BAIAP2: variants seen among roughly 807,000 people sequenced by gnomAD.
The protein encoded by BAIAP2 is BAR/IMD domain-containing adapter protein 2.
A neutral mutation model predicts 63.0 loss-of-function variants in BAIAP2; 18 were observed. The ratio of observed to expected loss-of-function variants is 0.29; its 90% CI spans 0.20 to 0.42. The LOEUF (loss-of-function observed/expected upper bound fraction) is 0.42. Ranked by LOEUF, BAIAP2 falls within the 10% of genes least tolerant of loss-of-function variation. The pLI is 1.00. For synonymous variants in BAIAP2, 386 were observed against 307.6 expected, an observed-to-expected ratio of 1.25 and a Z score of -2.67; for missense variants, 610 against 734.3, an observed-to-expected ratio of 0.83 and a Z score of 1.96.
chr17:81,046,113 C>T lies in BAIAP2; in HGVS notation c.55-7555C>T, dbSNP rs140625783. Among the ~76,000 whole-genome samples the T allele has an allele frequency of 1.2e-3, 183 of 152,232 alleles. 1 individual carries two copies. The highest frequency in any genetic ancestry group is 4.2e-3 in the African/African-American group (174 of 41,544). On this transcript the variant is annotated intron_variant, in intron 1 of 13. Transcript: ENST00000428708. The surrounding 1 kb of genome is among the most constrained non-coding windows in gnomAD (Gnocchi z 4.5). ...GGAGGCAGAGCTGCCGGCTCCTGCA[C>T]GCCCAGCTGCAGGGGGTAAGGAGGA... is the stretch of plus-strand genomic sequence containing the variant.
At position 81,035,182 on chromosome 17, in the gene BAIAP2, C is replaced by T. The variant is rs1256974462; in HGVS notation, c.-73C>T. On this transcript the variant is annotated 5_prime_UTR_variant, in exon 1 of 14. Coordinates refer to ENST00000428708, the MANE Select transcript of BAIAP2 (RefSeq NM_001144888.2). ...CGGGTCCGCTTTCGTCTCCGTCCTGCTGCCGTTACCGCCGCTGCTGCCGCC... is the reference window on the plus strand; with the variant it reads ...CGGGTCCGCTTTCGTCTCCGTCCTGTTGCCGTTACCGCCGCTGCTGCCGCC... The T allele has an allele frequency of 1.9e-5, 24 of 1,290,836 alleles. 1 individual carries two copies. The highest frequency in any genetic ancestry group is 1.7e-4 in the East Asian group (5 of 30,150). 80.0% of individuals were successfully genotyped at this position (1,290,836 alleles called of 1,614,324 possible).
intron 1 of BAIAP2, among the ~76,000 whole-genome samples, chr17:81,042,453 G>C (rs549728875): frequency 2.6e-4 from 40 of 152,116 alleles, no homozygotes; most frequent in Non-Finnish European, 1.8e-4. Flanking sequence ...AACGCACCCT[G>C]GTGCTTTCTT....
At chr17:81,108,323 G>T in intron 12 of BAIAP2, 152 bp from the exon 13 acceptor site, 1 of 777,982 alleles carries the variant, frequency 1.3e-6, no homozygotes. Flanking sequence ...AGGTCTCTGA[G>T]TGCTGCAGCC....
Position 81,035,187 on chromosome 17 carries a change from G to A in BAIAP2, c.-68G>A, listed in dbSNP as rs1366622348. 9 of 1,338,976 alleles carry A rather than the reference G, an allele frequency of 6.7e-6. No homozygotes were observed. In the East Asian group the frequency reaches 9.7e-5, roughly 14 times the overall value. 82.9% of individuals were successfully genotyped at this position (1,338,976 alleles called of 1,614,324 possible). On this transcript the variant is annotated 5_prime_UTR_variant, in exon 1 of 14. Coordinates refer to ENST00000428708, the MANE Select transcript of BAIAP2 (RefSeq NM_001144888.2). The stretch of plus-strand genomic sequence containing the variant: ...CCGCTTTCGTCTCCGTCCTGCTGCC[G>A]TTACCGCCGCTGCTGCCGCCGCTTG...
chr17:81,069,784 G>A (rs139511641), intron 3 of BAIAP2, among the ~76,000 whole-genome samples: 9 of 152,292 alleles, frequency 5.9e-5, no homozygotes, highest in East Asian at 1.9e-4. Flanking sequence ...AGCCTTCCTC[G>A]GTGGACACCT....
At chr17:81,076,005 CGGGT>C (rs1231346400) in intron 3 of BAIAP2, among the ~76,000 whole-genome samples, 1 of 151,892 alleles carries the variant, frequency 6.6e-6, no homozygotes, top group African/African-American at 2.4e-5. Context: ...TGCCTGCACC[CGGGT>C]GTTCCCTCTT....
At chr17:81,108,744 C>T in intron 13 of BAIAP2, 2 of 886,256 alleles carry the variant, frequency 2.3e-6, no homozygotes. Flanking sequence ...CCCATCCATC[C>T]CTGTCAGGCA....
At chr17:81,069,706 G>A (rs1055322511) in intron 3 of BAIAP2, among the ~76,000 whole-genome samples, 3 of 152,166 alleles carry the variant, frequency 2.0e-5, no homozygotes, top group Non-Finnish European at 2.9e-5. Context: ...ACTCTCCCCC[G>A]CCAGGACTGT....
At chr17:81,042,629 A>C (rs1247184459) in intron 1 of BAIAP2, among the ~76,000 whole-genome samples, 1 of 151,992 alleles carries the variant, frequency 6.6e-6, no homozygotes, top group East Asian at 1.9e-4. Flanking sequence ...TGGCTGCCCC[A>C]GTGGGAGTCG....
chr17:81,080,273 C>T (rs1598675248), intron 3 of BAIAP2, among the ~76,000 whole-genome samples: 1 of 152,226 alleles, frequency 6.6e-6, no homozygotes, highest in Non-Finnish European at 1.5e-5. Context: ...TGCTGGTGGC[C>T]GGACACATTC....
chr17:81,068,634 G>A (rs1396692916), intron 3 of BAIAP2, among the ~76,000 whole-genome samples: 1 of 152,216 alleles, frequency 6.6e-6, no homozygotes, highest in South Asian at 2.1e-4. Flanking sequence ...AGGTGGCTCC[G>A]CTCTTGTGTC....
In BAIAP2 at chr17:81,106,893, CCCG is replaced by C; in HGVS notation, c.1489_1491del (p.Ala497del). ...GCAGAGGCCCTACAGTGTGGCCGTG[CCCG>C]CCTTCTCCCAGGTCAGTGGGCGGGG... On this transcript the variant is annotated inframe_deletion, in exon 12 of 14. Transcript: ENST00000428708. 1 of 1,559,192 alleles carries C rather than the reference CCCG, an allele frequency of 6.4e-7. No individual in the cohort carries two copies. The highest frequency in any genetic ancestry group is 8.7e-7 in the Non-Finnish European group (1 of 1,152,658).
chr17:81,060,848 C>T (rs765552417), intron 3 of BAIAP2, among the ~76,000 whole-genome samples: 20 of 152,144 alleles, frequency 1.3e-4, no homozygotes, highest in Admixed American at 2.6e-4. Flanking sequence ...CAGGGCCGGG[C>T]GCGGTGGCTC....
intron 7 of BAIAP2, 69 bp downstream of exon 7, chr17:81,100,149 C>G: frequency 2.0e-6 from 3 of 1,508,004 alleles, no homozygotes; most frequent in Non-Finnish European, 2.7e-6. Context: ...AGGCCCCTGC[C>G]CCAGCCCCAG....
Position 81,106,961 on chromosome 17 carries a change from A to T in BAIAP2, c.1500+54A>T, listed in dbSNP as rs1196237740. On this transcript the variant is annotated intron_variant, in intron 12 of 13. Transcript: ENST00000428708. ...GGCCCGCAGGTGGAACAGTGGGCTC[A>T]GCCTGCAGTCCCCCGTTGGAGCCTC... 6.9e-6 allele frequency: 10 copies of T among 1,458,700 alleles called. No homozygotes were observed. The East Asian group carries it at 2.0e-4, about 29-fold the overall frequency. 90.4% of individuals were successfully genotyped at this position (1,458,700 alleles called of 1,614,324 possible).
intron 11 of BAIAP2, among the ~76,000 whole-genome samples, 186 bp from the exon 12 acceptor site, chr17:81,106,559 C>CAGG (rs1228939576): frequency 2.6e-5 from 4 of 152,218 alleles, no homozygotes; most frequent in East Asian, 1.9e-4. Context: ...GCTTCATGGC[C>CAGG]AGGAGGAGGA....
At chr17:81,078,089 G>A (rs2145053475) in intron 3 of BAIAP2, among the ~76,000 whole-genome samples, 1 of 148,954 alleles carries the variant, frequency 6.7e-6, no homozygotes, top group East Asian at 2.0e-4. Context: ...GGCACTCTGG[G>A]TGCCGGTGCG....
intron 3 of BAIAP2, among the ~76,000 whole-genome samples, chr17:81,059,983 G>A (rs2050264946): frequency 6.6e-6 from 1 of 152,204 alleles, no homozygotes; most frequent in Non-Finnish European, 1.5e-5. Flanking sequence ...GCACAAGGAG[G>A]AGGAGGGAAG....
At chr17:81,060,704 C>T (rs2050392057) in intron 3 of BAIAP2, among the ~76,000 whole-genome samples, 1 of 152,174 alleles carries the variant, frequency 6.6e-6, no homozygotes, top group African/African-American at 2.4e-5. Context: ...GCAACACATC[C>T]TTGTTTCAAA....
Sources: allele counts gnomAD v4.1 joint callset (sites outside exome capture counted in the v4.1 genomes callset), GRCh38; gene constraint gnomAD v4.1.1; non-coding constraint Gnocchi (gnomAD v3.1); transcripts MANE v1.5; gene names NCBI Gene and HGNC (gene_info 2026-07-23, HGNC 2026-07-21).